The following DCC variants were observed in gnomAD, a reference collection of about 807,000 sequenced individuals.
DCC encodes the protein netrin receptor DCC.
Under a neutral mutation model 172.5 loss-of-function variants are expected in DCC, and 58 were observed. The ratio of observed to expected loss-of-function variants is 0.34; its 90% CI spans 0.27 to 0.42. The LOEUF is 0.42. Ranked by LOEUF, DCC falls within the 10% of genes least tolerant of loss-of-function variation. DCC has a pLI of 1.00. For synonymous variants in DCC, 709 were observed against 644.5 expected, an observed-to-expected ratio of 1.10 and a Z score of -1.52; for missense variants, 1,740 against 1,791.0, an observed-to-expected ratio of 0.97 and a Z score of 0.51.
At chr18:52,383,242 A>T (rs994811806) in intron 1 of DCC, among the ~76,000 whole-genome samples, 1 of 152,090 alleles carries the variant, frequency 6.6e-6, no homozygotes, top group Admixed American at 6.6e-5. Context: ...TTTACCTCTT[A>T]CTCTAAATTT....
chr18:52,585,181 A>G (rs1422429984), intron 1 of DCC, among the ~76,000 whole-genome samples: 1 of 152,224 alleles, frequency 6.6e-6, no homozygotes, highest in Non-Finnish European at 1.5e-5. Flanking sequence ...ACCAACATGG[A>G]AACCAAACTT....
intron 1 of DCC, among the ~76,000 whole-genome samples, chr18:52,588,043 C>G (rs1194932138): frequency 2.0e-5 from 3 of 152,172 alleles, no homozygotes; most frequent in Non-Finnish European, 4.4e-5. Context: ...AGAAAGCACC[C>G]AGTTCATGAC....
chr18:52,934,179 C>A (rs78556195), intron 5 of DCC, among the ~76,000 whole-genome samples: 1 of 151,718 alleles, frequency 6.6e-6, no homozygotes, highest in African/African-American at 2.4e-5. Context: ...TGAATTATGG[C>A]GCGATTGATA....
At chr18:52,948,545 A>C (rs576682432) in intron 5 of DCC, among the ~76,000 whole-genome samples, 1 of 152,292 alleles carries the variant, frequency 6.6e-6, no homozygotes, top group South Asian at 2.1e-4. Context: ...CTATTTTACA[A>C]ATTAGAAGAC....
At chr18:53,083,772 A>G (rs200796908) in intron 7 of DCC, among the ~76,000 whole-genome samples, 1 of 152,174 alleles carries the variant, frequency 6.6e-6, no homozygotes, top group African/African-American at 2.4e-5. Flanking sequence ...TTTCCTTACT[A>G]TGTTTCCAGA....
intron 1 of DCC, among the ~76,000 whole-genome samples, chr18:52,682,514 A>T (rs1204488048): frequency 6.6e-6 from 1 of 152,084 alleles, no homozygotes; most frequent in Non-Finnish European, 1.5e-5. Flanking sequence ...TGCTTGTGAG[A>T]TGAGGCTGGA....
At position 52,701,865 on chromosome 18, in the gene DCC, CCA is replaced by C. The variant is rs936927355; in HGVS notation, c.92-50188_92-50187del. ...CCACCATGTTGGCTTCTGATAAACC[CCA>C]GTTACAGGAAGGCCTCTAAGATTTC... On this transcript the variant is annotated intron_variant, in intron 1 of 28. Coordinates refer to ENST00000442544, the MANE Select transcript of DCC (RefSeq NM_005215.4). Among the ~76,000 whole-genome samples, 18 of 152,302 alleles carry C rather than the reference CCA, an allele frequency of 1.2e-4. No homozygotes were observed. In the South Asian group the frequency reaches 1.2e-3, roughly 11 times the overall value.
intron 1 of DCC, among the ~76,000 whole-genome samples, chr18:52,353,240 G>C (rs1984205800): frequency 6.6e-6 from 1 of 151,610 alleles, no homozygotes; most frequent in Non-Finnish European, 1.5e-5. Context: ...AATGCTCTTT[G>C]TGTGTTCCAT....
At chr18:52,879,748 C>A (rs2039456241) in intron 2 of DCC, among the ~76,000 whole-genome samples, 1 of 151,988 alleles carries the variant, frequency 6.6e-6, no homozygotes, top group Non-Finnish European at 1.5e-5. Flanking sequence ...TGGTCTTTGT[C>A]AGGACTACTG....
At chr18:53,223,550 C>A (rs1303278928) in intron 12 of DCC, among the ~76,000 whole-genome samples, 4 of 151,968 alleles carry the variant, frequency 2.6e-5, no homozygotes, top group Non-Finnish European at 5.9e-5. Context: ...TTAAATGAAC[C>A]TAGGTCTAGT....
chr18:52,769,197 G>A (rs941677999), intron 2 of DCC, among the ~76,000 whole-genome samples: 1 of 152,160 alleles, frequency 6.6e-6, no homozygotes, highest in African/African-American at 2.4e-5. Flanking sequence ...ATTTCCACTA[G>A]CAATTAATGA....
At chr18:53,057,901 T>C (rs760393770) in intron 5 of DCC, among the ~76,000 whole-genome samples, 1 of 152,012 alleles carries the variant, frequency 6.6e-6, no homozygotes, top group Non-Finnish European at 1.5e-5. Flanking sequence ...AATAGTGATA[T>C]ATGTGAAAGA....
intron 1 of DCC, among the ~76,000 whole-genome samples, chr18:52,610,175 AAAAATATATATATATATATATATATAT>A (rs1441486481): frequency 9.6e-5 from 2 of 20,848 alleles, no homozygotes; most frequent in African/African-American, 3.9e-4. Context: ...AAAAAAAAAA[AAAAATATATATATATATATATATATAT>A]ATATATATAT....
At chr18:52,790,725 C>T (rs1433033091) in intron 2 of DCC, among the ~76,000 whole-genome samples, 1 of 152,126 alleles carries the variant, frequency 6.6e-6, no homozygotes, top group African/African-American at 2.4e-5. Context: ...TCTCTTTTCC[C>T]TTTTTGCCTG....
At chr18:53,034,936 C>T (rs116784691) in intron 5 of DCC, among the ~76,000 whole-genome samples, 3,530 of 152,148 alleles carry the variant, frequency 0.023, 171 homozygotes, top group African/African-American at 0.081. Context: ...AGCCCATTCA[C>T]ACTACCCTAG....
intron 1 of DCC, among the ~76,000 whole-genome samples, chr18:52,674,125 A>G (rs530158430): frequency 2.0e-5 from 3 of 152,302 alleles, no homozygotes; most frequent in East Asian, 1.9e-4. Context: ...TGCAGGAGAC[A>G]TTGTGTTAAT....
At position 53,468,147 on chromosome 18, in the gene DCC, A is replaced by G. The variant is rs191745979; in HGVS notation, c.3736+137A>G. On this transcript the variant is annotated intron_variant, in intron 25 of 28. Coordinates refer to ENST00000442544, the MANE Select transcript of DCC (RefSeq NM_005215.4). ...CAAATGGAAATGAGGAATGACTAAA[A>G]CCGTATCATTAATAATTTGAAGTCT... is the stretch of plus-strand genomic sequence containing the variant. 3.6e-4 allele frequency: 241 copies of G among 675,240 alleles called. No homozygotes were observed. In the African/African-American group the frequency reaches 3.6e-3, roughly 10 times the overall value. 41.8% of individuals were successfully genotyped at this position (675,240 alleles called of 1,614,324 possible).
chr18:53,137,588 T>G (rs1390404606), intron 7 of DCC, among the ~76,000 whole-genome samples: 1 of 152,194 alleles, frequency 6.6e-6, no homozygotes, highest in South Asian at 2.1e-4. Context: ...TTTATAAATT[T>G]TGCTATATTG....
intron 12 of DCC, among the ~76,000 whole-genome samples, chr18:53,223,865 A>C (rs1490260952): frequency 2.0e-5 from 3 of 152,178 alleles, no homozygotes; most frequent in Non-Finnish European, 4.4e-5. Context: ...ATGAATACCT[A>C]ATTATAACTG....
Sources: gnomAD v4.1 joint callset for allele counts (sites outside exome capture counted in the v4.1 genomes callset) on GRCh38, gnomAD v4.1.1 for gene constraint, MANE v1.5 for transcripts, NCBI Gene and HGNC (gene_info 2026-07-23, HGNC 2026-07-21) for gene names.